RDX: variants seen among roughly 807,000 people sequenced by gnomAD.
RDX encodes the protein deafness, autosomal recessive 24.
In RDX, 32 loss-of-function variants were observed where a neutral mutation model predicts 83.7. The observed-to-expected ratio is 0.38, with a 90% CI of 0.29 to 0.51. The LOEUF (loss-of-function observed/expected upper bound fraction) is 0.51. RDX is among the 20% of genes least tolerant of loss of function. The pLI is 0.87. For missense variants in RDX, 600 were observed against 689.9 expected, an observed-to-expected ratio of 0.87 and a Z score of 1.46; for synonymous variants, 229 against 222.7, an observed-to-expected ratio of 1.03 and a Z score of -0.25.
intron 15 of RDX, among the ~76,000 whole-genome samples, chr11:110,191,268 A>C (rs1443389163): frequency 1.3e-5 from 2 of 152,276 alleles, no homozygotes; most frequent in East Asian, 3.8e-4. Context: ...AGGCTGGTTT[A>C]AGACACACAA....
chr11:110,237,459 T>C (rs1308026383), intron 11 of RDX, 33 bp downstream of exon 11: 1 of 1,607,592 alleles, frequency 6.2e-7, no homozygotes, highest in African/African-American at 1.3e-5. Context: ...TGCTTTTATT[T>C]AAACTTTTTT....
downstream of RDX, among the ~76,000 whole-genome samples, chr11:110,227,198 A>G (rs1227075594): frequency 6.6e-6 from 1 of 152,186 alleles, no homozygotes. Context: ...AATAAAAGGG[A>G]TATCATAGCA....
intron 14 of RDX, chr11:110,199,788 C>A: frequency 1.4e-6 from 1 of 691,842 alleles, no homozygotes; most frequent in South Asian, 1.5e-5. Flanking sequence ...TCAGGGCGCT[C>A]TTGTCAGCCT....
At chr11:110,263,906 G>T in intron 5 of RDX, 54 bp downstream of exon 5, 44 of 1,410,218 alleles carry the variant, frequency 3.1e-5, no homozygotes, top group Non-Finnish European at 3.8e-5. Context: ...TTTATTTATA[G>T]ACTTCTAGAA....
chr11:110,210,938 G>C (rs547551100), intron 14 of RDX, among the ~76,000 whole-genome samples: 3 of 150,664 alleles, frequency 2.0e-5, no homozygotes, highest in Non-Finnish European at 4.4e-5. Flanking sequence ...ATCAACTAAC[G>C]AGCAAAATAA....
At chr11:110,207,768 T>C (rs944270666) in intron 14 of RDX, among the ~76,000 whole-genome samples, 7 of 152,020 alleles carry the variant, frequency 4.6e-5, no homozygotes, top group Non-Finnish European at 7.4e-5. Context: ...AACAGCAGAG[T>C]TGTATAGCTG....
At chr11:110,296,287 G>A (rs1474055851) in intron 1 of RDX, among the ~76,000 whole-genome samples, 180 bp downstream of exon 1, 1 of 151,972 alleles carries the variant, frequency 6.6e-6, no homozygotes, top group Non-Finnish European at 1.5e-5. Flanking sequence ...GAGGAGCCTG[G>A]CCGGCCGGGC....
intron 15 of RDX, among the ~76,000 whole-genome samples, chr11:110,182,978 A>C (rs1862917247): frequency 6.6e-6 from 1 of 152,230 alleles, no homozygotes; most frequent in Non-Finnish European, 1.5e-5. Flanking sequence ...AAAGTCATGC[A>C]GCAGAAAATG....
At chr11:110,188,296 AAATAATAATAATAATAATAATAAT>A (rs34384486) in intron 15 of RDX, among the ~76,000 whole-genome samples, 14 of 142,480 alleles carry the variant, frequency 9.8e-5, no homozygotes, top group Non-Finnish European at 1.7e-4. Flanking sequence ...CTCTGTCTCA[AAATAATAATAATAATAATAATAAT>A]AATAATAATA....
At chr11:110,220,115 C>T (rs916192427) in intron 14 of RDX, among the ~76,000 whole-genome samples, 1 of 152,136 alleles carries the variant, frequency 6.6e-6, no homozygotes, top group Non-Finnish European at 1.5e-5. Context: ...AGGCCTGGCA[C>T]ACACTCAACA....
rs762190052 is a variant in RDX at position 110,236,126 on chromosome 11, T to C, written c.1317A>G (p.Glu439=). 1 of 1,612,028 alleles carries C rather than the reference T, an allele frequency of 6.2e-7. No homozygotes were observed. Among genetic ancestry groups the C allele is most frequent in the Non-Finnish European group, 8.5e-7 (1 of 1,179,748 alleles). ...TGTGTTGCCACTCAGTAGCTTCCTCTTCCTTTTTCTTCTTGGCTTCCTCTA... is the reference window on the plus strand; with the variant it reads ...TGTGTTGCCACTCAGTAGCTTCCTCCTCCTTTTTCTTCTTGGCTTCCTCTA... ...ALLEEAKKKK[E]EEATEWQHKA... Residue 439 remains glutamate (E), a synonymous_variant, in exon 12 of 14, where the codon GAA becomes GAG. Transcript: ENST00000645495.
At chr11:110,250,519 C>A (rs1294232375) in intron 9 of RDX, among the ~76,000 whole-genome samples, 2 of 152,168 alleles carry the variant, frequency 1.3e-5, no homozygotes, top group Non-Finnish European at 2.9e-5. Context: ...ATTCCACCAA[C>A]TAAGAGCCTT....
At chr11:110,215,431 C>T (rs1864015014) in intron 14 of RDX, among the ~76,000 whole-genome samples, 1 of 151,556 alleles carries the variant, frequency 6.6e-6, no homozygotes, top group Non-Finnish European at 1.5e-5. Context: ...AATGCTTTCC[C>T]TCCCCTACAA....
chr11:110,265,477 CAACAAT>C (rs1329066166), intron 3 of RDX, among the ~76,000 whole-genome samples: 12 of 147,804 alleles, frequency 8.1e-5, no homozygotes, highest in African/African-American at 3.0e-4. Context: ...ATCATGACCT[CAACAAT>C]AACAAGAGTC....
At chr11:110,228,715 C>A (rs1227881358), downstream of RDX, among the ~76,000 whole-genome samples, 1 of 151,400 alleles carries the variant, frequency 6.6e-6, no homozygotes, top group African/African-American at 2.4e-5. Flanking sequence ...TAAAAAAAAA[C>A]ACAATAATAT....
intron 14 of RDX, among the ~76,000 whole-genome samples, chr11:110,206,795 T>C (rs1480635567): frequency 2.6e-5 from 4 of 152,180 alleles, no homozygotes; most frequent in African/African-American, 9.7e-5. Flanking sequence ...CATTCGAATT[T>C]CAAAGGTCTC....
chr11:110,193,860 G>T (rs1863150355), intron 15 of RDX, among the ~76,000 whole-genome samples: 1 of 152,158 alleles, frequency 6.6e-6, no homozygotes, highest in Non-Finnish European at 1.5e-5. Context: ...TGATTATACA[G>T]CATTATCTCT....
At chr11:110,225,766 G>A (rs1864411022), downstream of RDX, among the ~76,000 whole-genome samples, 2 of 152,094 alleles carry the variant, frequency 1.3e-5, no homozygotes, top group African/African-American at 4.8e-5. Context: ...TAAACACAGG[G>A]CCAGGTGCGA....
rs1257846060 is a variant in RDX at position 110,223,720 on chromosome 11, A to AC, written c.1748+8152dup. ...AAAAAATCTAAGATGTCATTTGGGT[A>AC]CCTCTAGCAAAATCTAAATTGATGA... On this transcript the variant is annotated intron_variant, in intron 14 of 15. Coordinates refer to the RDX transcript ENST00000528498. Among the ~76,000 whole-genome samples the AC allele has an allele frequency of 3.9e-5, 6 of 152,294 alleles. No individual in the cohort carries two copies. The East Asian group carries it at 1.2e-3, about 29-fold the overall frequency.
Sources: gnomAD v4.1 joint callset for allele counts (sites outside exome capture counted in the v4.1 genomes callset) on GRCh38, gnomAD v4.1.1 for gene constraint, MANE v1.5 for transcripts, NCBI Gene and HGNC (gene_info 2026-07-23, HGNC 2026-07-21) for gene names.